The following LONP1 variants were observed in gnomAD, a reference collection of about 807,000 sequenced individuals.
LONP1 encodes lon protease homolog, mitochondrial.
In LONP1, 31 loss-of-function variants were observed where a neutral mutation model predicts 98.5. The ratio of observed to expected loss-of-function variants is 0.31; its 90% CI spans 0.24 to 0.42. The LOEUF is 0.42. Ranked by LOEUF, LONP1 falls within the 20% of genes least tolerant of loss-of-function variation. LONP1 has a pLI of 1.00. For synonymous variants in LONP1, 781 were observed against 594.7 expected (o/e 1.31, Z -4.56); for missense variants, 1,336 against 1,350.6 (o/e 0.99, Z 0.17).
chr19:5,701,101 C>T (rs1234451377), intron 8 of LONP1, among the ~76,000 whole-genome samples, 174 bp from the exon 9 acceptor site: 1 of 152,082 alleles, frequency 6.6e-6, no homozygotes, highest in Non-Finnish European at 1.5e-5. Flanking sequence ...ATCACTTGAG[C>T]CCAGGAGTTC....
At chr19:5,697,040 G>A (rs552062859) in intron 10 of LONP1, among the ~76,000 whole-genome samples, 109 of 152,276 alleles carry the variant, frequency 7.2e-4, no homozygotes, top group African/African-American at 2.4e-3. Context: ...CCAGACAGGC[G>A]CTGGCAGCAG....
At chr19:5,700,032 G>T (rs1012376332) in intron 9 of LONP1, among the ~76,000 whole-genome samples, 1 of 152,024 alleles carries the variant, frequency 6.6e-6, no homozygotes, top group Non-Finnish European at 1.5e-5. Flanking sequence ...TCCACCTCCC[G>T]GGCTCAAGCA....
intron 1 of LONP1, among the ~76,000 whole-genome samples, chr19:5,716,261 T>TACATAC (rs1242872085): frequency 2.0e-4 from 4 of 20,490 alleles, no homozygotes; most frequent in Admixed American, 1.7e-3. Flanking sequence ...AAAATATACA[T>TACATAC]ATATATATAT....
chr19:5,700,659 C>A (rs2055023669), intron 9 of LONP1, 130 bp downstream of exon 9: 1 of 1,297,410 alleles, frequency 7.7e-7, no homozygotes, highest in Non-Finnish European at 1.1e-6. Flanking sequence ...CGCCGGGATC[C>A]CCCCGACCAG....
At chr19:5,719,416 G>T (rs1235506353) in intron 1 of LONP1, among the ~76,000 whole-genome samples, 1 of 152,178 alleles carries the variant, frequency 6.6e-6, no homozygotes, top group Admixed American at 6.6e-5. Context: ...CACTACTCAG[G>T]TCCCTCCCGG....
At chr19:5,692,347 A>C (rs1157612428) in intron 17 of LONP1, 139 bp from the exon 18 acceptor site, 3 of 737,900 alleles carry the variant, frequency 4.1e-6, no homozygotes, top group Non-Finnish European at 6.3e-6. Flanking sequence ...CCCAAAACCC[A>C]CCAGGGTCCC....
intron 9 of LONP1, among the ~76,000 whole-genome samples, chr19:5,699,652 G>A (rs922922725): frequency 1.3e-5 from 2 of 151,038 alleles, no homozygotes; most frequent in African/African-American, 2.4e-5. Context: ...CAGCCTCCTG[G>A]GTTCAAGCAA....
At chr19:5,697,553 G>GA (rs1340280811) in intron 10 of LONP1, among the ~76,000 whole-genome samples, 1 of 132,558 alleles carries the variant, frequency 7.5e-6, no homozygotes, top group Non-Finnish European at 1.6e-5. Context: ...AGGAGATGGA[G>GA]AGGGAAGGGG....
At chr19:5,707,249 C>CATG (rs1330953407) in intron 6 of LONP1, 106 bp from the exon 7 acceptor site, 1 of 858,538 alleles carries the variant, frequency 1.2e-6, no homozygotes, top group Non-Finnish European at 1.9e-6. Flanking sequence ...GCCGGGAGGA[C>CATG]CTGGCCATGC....
intron 10 of LONP1, 61 bp from the exon 11 acceptor site, chr19:5,696,818 A>G (rs1235081187): frequency 1.7e-6 from 2 of 1,175,736 alleles, no homozygotes; most frequent in East Asian, 2.3e-5. Context: ...CAACGACACC[A>G]TGCACCCTCC....
chr19:5,701,747 C>T (rs953612487), intron 8 of LONP1, among the ~76,000 whole-genome samples: 133 of 152,206 alleles, frequency 8.7e-4, no homozygotes, highest in Non-Finnish European at 1.3e-3. Context: ...TCTGCCCGGC[C>T]GCCACCCTGT....
At chr19:5,707,016 G>A (rs145166726) in intron 7 of LONP1, 44 bp downstream of exon 7, 7 of 1,536,302 alleles carry the variant, frequency 4.6e-6, no homozygotes, top group South Asian at 1.1e-5. Flanking sequence ...CGTGGCCCGA[G>A]GGGAAGGCCC....
intron 8 of LONP1, 93 bp downstream of exon 8, chr19:5,705,679 C>T: frequency 3.6e-6 from 4 of 1,122,388 alleles, no homozygotes; most frequent in Admixed American, 2.0e-5. Flanking sequence ...AAGAAGGTGC[C>T]ACGGGGCTCC....
chr19:5,717,650 T>G (rs925282835), intron 1 of LONP1: 1 of 152,206 alleles, frequency 6.6e-6, no homozygotes, highest in African/African-American at 2.4e-5. Flanking sequence ...AGGGGTGAAG[T>G]CAAGGATGGG....
chr19:5,694,359 T>TG lies in LONP1; in HGVS notation c.2320+27dup, dbSNP rs761143592. ...TCTCGGGTAGAAATGGGAATGGCTT[T>TG]GGGGTCTTCTCCCGCCACCACGCTC... On this transcript the variant is annotated intron_variant, in intron 15 of 17. Transcript: ENST00000360614. 7 of 1,607,584 alleles carry TG rather than the reference T, an allele frequency of 4.4e-6. No individual in the cohort carries two copies. The East Asian group carries it at 1.3e-4, about 31-fold the overall frequency.
chr19:5,706,383 C>T (rs536620296), intron 7 of LONP1, among the ~76,000 whole-genome samples: 39 of 152,234 alleles, frequency 2.6e-4, no homozygotes, highest in African/African-American at 8.7e-4. Flanking sequence ...CTGAAGCGGG[C>T]GGATCACTTG....
Position 5,699,062 on chromosome 19 carries a change from C to A in LONP1, c.1650G>T (p.Gly550=), listed in dbSNP as rs759053699. Residue 550 remains glycine, a synonymous_variant, in exon 10 of 18, where the codon GGG becomes GGT. Coordinates refer to ENST00000360614, the MANE Select transcript of LONP1 (RefSeq NM_004793.4). ...LNREYFRFSV[G]GMTDVAEIKG... ...TGATCTCAGCCACGTCAGTCATGCC[C>A]CCGACGCTGAAGCGGAAGTACTCTC... The A allele has an allele frequency of 6.2e-7, 1 of 1,608,748 alleles. No homozygotes were observed. Among genetic ancestry groups the A allele is most frequent in the Admixed American group, 1.7e-5 (1 of 59,776 alleles).
In LONP1 at chr19:5,711,999, G is replaced by C. The variant is rs1052272059; in HGVS notation, c.642C>G (p.Val214=). The part of the protein sequence containing the change: ...LRMIVMGHRR[V]HISRQLEVEP... Reference sequence around the variant, plus strand: ...CCACCTCCAGCTGTCTGCTGATATGGACTCTGACACGGGAGCAAGGCAGGT... The same window carrying C: ...CCACCTCCAGCTGTCTGCTGATATGCACTCTGACACGGGAGCAAGGCAGGT... The change falls in exon 4 of 18, where the codon GTC becomes GTG. Residue 214 remains valine, a synonymous_variant. Transcript: ENST00000360614. 2.5e-6 allele frequency: 4 copies of C among 1,611,108 alleles called. No homozygotes were observed. In the African/African-American group the frequency reaches 5.3e-5, roughly 22 times the overall value.
chr19:5,694,958 T>G (rs537484025), intron 13 of LONP1, 57 bp from the exon 14 acceptor site: 1 of 1,555,904 alleles, frequency 6.4e-7, no homozygotes, highest in African/African-American at 1.4e-5. Flanking sequence ...CAGCTCAGTC[T>G]AGAACCTGGG....
Sources: gnomAD v4.1 joint callset for allele counts (sites outside exome capture counted in the v4.1 genomes callset) on GRCh38, gnomAD v4.1.1 for gene constraint, MANE v1.5 for transcripts, NCBI Gene and HGNC (gene_info 2026-07-23, HGNC 2026-07-21) for gene names.